The following FGF13 variants were observed in gnomAD, a reference collection of about 807,000 sequenced individuals.
FGF13 encodes fibroblast growth factor homologous factor 2.
A neutral mutation model predicts 19.5 loss-of-function variants in FGF13; 2 were observed. The observed-to-expected ratio is 0.10, with a 90% CI of 0.04 to 0.32. FGF13 has a LOEUF of 0.32. FGF13 is among the 10% of genes least tolerant of loss of function. FGF13 has a pLI of 1.00. For synonymous variants in FGF13, 72 were observed against 76.9 expected (o/e 0.94, Z 0.33); for missense variants, 113 against 192.7 (o/e 0.59, Z 2.45).
chrX:138,819,065 C>CT (rs1188857952), intron 3 of FGF13, among the ~76,000 whole-genome samples: 24 of 110,716 alleles, frequency 2.2e-4, no homozygotes, highest in Admixed American at 9.6e-5. Flanking sequence ...CATATGGAAA[C>CT]TTTTTTTTCG....
chrX:138,896,640 C>T lies in FGF13; in HGVS notation c.-112-31990G>A, dbSNP rs141246430. ...TAAACAGGCTTTGGAGTTAGGCAGA[C>T]TTGAGCTTGAATCTTGGCTGTGCTT... On this transcript the variant is annotated intron_variant, in intron 1 of 2. Transcript: ENST00000421460. Among the ~76,000 whole-genome samples, 37 of 112,305 alleles carry T rather than the reference C, an allele frequency of 3.3e-4. No homozygotes were observed. The East Asian group carries it at 7.6e-3, about 23-fold the overall frequency.
chrX:138,792,489 G>A (rs1384424676), intron 3 of FGF13, among the ~76,000 whole-genome samples: 1 of 111,617 alleles, frequency 9.0e-6, no homozygotes, highest in African/African-American at 3.3e-5. Context: ...TTGCAGGTGA[G>A]CATTCTGAGT....
rs190014020 is a variant in FGF13, at chrX:139,033,286, C to T, written c.-112-168636G>A. On this transcript the variant is annotated intron_variant, in intron 1 of 2. Coordinates refer to the FGF13 transcript ENST00000421460. ...GAGGGGTAAATAAGTAATACTACTA[C>T]TAATAAAAATGATTAAATGCATTCA... Among the ~76,000 whole-genome samples the T allele has an allele frequency of 5.6e-3, 628 of 111,623 alleles. 2 individuals carry two copies. Among genetic ancestry groups the T allele is most frequent in the Middle Eastern group, 0.014 (3 of 217 alleles).
At chrX:138,885,794 A>G (rs908088317) in intron 1 of FGF13, among the ~76,000 whole-genome samples, 3 of 109,459 alleles carry the variant, frequency 2.7e-5, no homozygotes, top group South Asian at 4.1e-4. Context: ...TTCTTCACCA[A>G]TGTATCTCCA....
chrX:138,752,854 T>C (rs1156312573), intron 3 of FGF13, among the ~76,000 whole-genome samples: 1 of 112,300 alleles, frequency 8.9e-6, no homozygotes, highest in Non-Finnish European at 1.9e-5. Flanking sequence ...CAGACATTTA[T>C]CTCTGAGGCC....
chrX:139,188,442 G>A (rs988383336), intron 1 of FGF13, among the ~76,000 whole-genome samples: 1 of 111,866 alleles, frequency 8.9e-6, no homozygotes, highest in Admixed American at 9.5e-5. Flanking sequence ...AAGTTAGGGG[G>A]CATGAAAACA....
intron 1 of FGF13, among the ~76,000 whole-genome samples, chrX:139,060,855 C>T (rs1046380235): frequency 9.0e-6 from 1 of 110,710 alleles, no homozygotes; most frequent in African/African-American, 3.3e-5. Context: ...AGTGCTTCTT[C>T]TTTTCACAAT....
intron 1 of FGF13, among the ~76,000 whole-genome samples, chrX:139,147,391 C>G (rs2083899786): frequency 9.0e-6 from 1 of 110,687 alleles, no homozygotes; most frequent in Non-Finnish European, 1.9e-5. Flanking sequence ...ACCTATAATC[C>G]TTAAAGCACC....
At chrX:139,007,248 AAAAG>A (rs1234757878) in intron 1 of FGF13, among the ~76,000 whole-genome samples, 4 of 111,571 alleles carry the variant, frequency 3.6e-5, no homozygotes, top group Non-Finnish European at 5.6e-5. Flanking sequence ...GAAAAAGACA[AAAAG>A]AAAGTCACTG....
At chrX:139,035,743 G>T (rs752447913) in intron 1 of FGF13, among the ~76,000 whole-genome samples, 2 of 111,112 alleles carry the variant, frequency 1.8e-5, no homozygotes, top group Admixed American at 9.6e-5. Context: ...AGAGAAGGTG[G>T]GCTTAGGAGG....
chrX:138,921,813 A>G (rs777752837), intron 1 of FGF13, among the ~76,000 whole-genome samples: 1 of 109,990 alleles, frequency 9.1e-6, no homozygotes, highest in African/African-American at 3.3e-5. Context: ...TGAGTGTGTG[A>G]TACACTAGTT....
chrX:138,798,854 G>C (rs1167501562), intron 3 of FGF13, among the ~76,000 whole-genome samples: 1 of 112,008 alleles, frequency 8.9e-6, no homozygotes, highest in Admixed American at 9.5e-5. Context: ...TATTTGTGTA[G>C]AGTTGTTTAT....
In FGF13 at chrX:139,146,453, TAAA is replaced by T. The variant is rs1474543840; in HGVS notation, c.-113+56960_-113+56962del. ...TCACACCAGTTAGCATGGCGATCAT[TAAA>T]AAGTCAGGAAACAGCAGGTGCTGGA... On this transcript the variant is annotated intron_variant, in intron 1 of 2. Transcript: ENST00000421460. 8.0e-5 allele frequency among the ~76,000 whole-genome samples: 9 copies of T among 111,909 alleles called. No homozygotes were observed. The Admixed American group carries it at 8.5e-4, about 11-fold the overall frequency.
intron 1 of FGF13, among the ~76,000 whole-genome samples, chrX:138,938,012 C>A (rs1323562782): frequency 1.8e-5 from 2 of 111,113 alleles, no homozygotes; most frequent in Non-Finnish European, 3.8e-5. Flanking sequence ...TGGGAAGAAG[C>A]CAATTAAAGA....
intron 1 of FGF13, among the ~76,000 whole-genome samples, chrX:139,028,916 A>T (rs1014649286): frequency 6.4e-5 from 7 of 110,146 alleles, no homozygotes; most frequent in Non-Finnish European, 1.1e-4. Flanking sequence ...ATGAGATAAA[A>T]TTTTTTAAAG....
intron 1 of FGF13, among the ~76,000 whole-genome samples, chrX:139,003,475 C>G (rs899911759): frequency 1.8e-5 from 2 of 111,812 alleles, no homozygotes; most frequent in African/African-American, 3.3e-5. Context: ...GCTCGGGCAG[C>G]CTGCTTTTAT....
chrX:138,830,011 G>T (rs891194802), intron 3 of FGF13, among the ~76,000 whole-genome samples: 1 of 112,558 alleles, frequency 8.9e-6, no homozygotes. Flanking sequence ...GAGCCATCGC[G>T]CCTGGCTTAA....
intron 2 of FGF13, among the ~76,000 whole-genome samples, chrX:138,707,913 C>T (rs1428234880): frequency 8.9e-6 from 1 of 112,263 alleles, no homozygotes; most frequent in African/African-American, 3.2e-5. Flanking sequence ...GCATTCAGAC[C>T]TAGTTTCCTT....
chrX:138,673,424 T>C (rs1051615593), intron 3 of FGF13, among the ~76,000 whole-genome samples: 1 of 110,534 alleles, frequency 9.0e-6, no homozygotes, highest in Non-Finnish European at 1.9e-5. Flanking sequence ...AGCCATGATG[T>C]TTTACACACA....
Sources: gnomAD v4.1 joint callset for allele counts (sites outside exome capture counted in the v4.1 genomes callset) on GRCh38, gnomAD v4.1.1 for gene constraint, MANE v1.5 for transcripts, NCBI Gene and HGNC (gene_info 2026-07-23, HGNC 2026-07-21) for gene names.